Variants in TNKS1BP1 observed in about 807,000 individuals in gnomAD.
TNKS1BP1 encodes the protein 182 kDa tankyrase-1-binding protein.
Under a neutral mutation model 141.1 loss-of-function variants are expected in TNKS1BP1, and 48 were observed. The ratio of observed to expected loss-of-function variants is 0.34; its 90% CI spans 0.27 to 0.43. The LOEUF (loss-of-function observed/expected upper bound fraction) is 0.43, where lower values mean the gene tolerates loss of function less well. Among genes scored for constraint, TNKS1BP1 ranks in the 20% least tolerant of loss-of-function variants. The pLI is 1.00. For missense variants in TNKS1BP1, 2,149 were observed against 2,226.0 expected (o/e 0.97, Z 0.70); for synonymous variants, 875 against 898.2 (o/e 0.97, Z 0.46).
At position 57,313,321 on chromosome 11, in the gene TNKS1BP1, C is replaced by A. The variant is rs1344848623; in HGVS notation, c.1367G>T (p.Ser456Ile). Residue 456 changes from serine (S) to isoleucine (I), a missense_variant, in exon 5 of 12, where the codon AGC becomes ATC. By Grantham distance (142) the Ser-to-Ile change is moderately radical. Coordinates refer to ENST00000358252, the MANE Select transcript of TNKS1BP1 (RefSeq NM_033396.3). ...SLAALPQGQG[S>I]QLALDRPFGA... Reference sequence around the variant, plus strand: ...AAAGGGACGATCCAGGGCCAACTGGCTCCCCTGGCCTTGGGGCAGGGCAGC... The same window carrying A: ...AAAGGGACGATCCAGGGCCAACTGGATCCCCTGGCCTTGGGGCAGGGCAGC... 6.2e-7 allele frequency: 1 copy of A among 1,612,842 alleles called. No individual in the cohort carries two copies. Among genetic ancestry groups the A allele is most frequent in the Admixed American group, 1.7e-5 (1 of 60,004 alleles).
Position 57,313,632 on chromosome 11 carries a change from G to A in TNKS1BP1, c.1056C>T (p.Pro352=). 1 of 1,589,278 alleles carries A rather than the reference G, an allele frequency of 6.3e-7. No individual in the cohort carries two copies. Among genetic ancestry groups the A allele is most frequent in the Non-Finnish European group, 8.6e-7 (1 of 1,167,784 alleles). Residue 352 remains proline (P), a synonymous_variant, in exon 5 of 12, where the codon CCC becomes CCT. Coordinates refer to ENST00000358252, the MANE Select transcript of TNKS1BP1 (RefSeq NM_033396.3). ...CCCCCTCGGCAGGGAGCCCCGGGCT[G>A]GGGGTGTGGCGGGAGCCCTCGTCAG... ...ALPDEGSRHT[P]SPGLPAEGAP... is the part of the protein sequence containing the mutation.
chr11:57,301,733 G>T, intron 9 of TNKS1BP1, 74 bp downstream of exon 9: 1 of 1,551,054 alleles, frequency 6.4e-7, no homozygotes. Flanking sequence ...GATGGATGAA[G>T]AGAAGAAAGA....
rs761973274 is a variant in TNKS1BP1 at position 57,312,922 on chromosome 11, C to A, written c.1766G>T (p.Arg589Ile). 6.2e-7 allele frequency: 1 copy of A among 1,612,410 alleles called. No homozygotes were observed. Among genetic ancestry groups the A allele is most frequent in the African/African-American group, 1.3e-5 (1 of 74,924 alleles). Reference protein sequence around the residue: ...PGLPLQQAEERYESQEPLAGQ... With the variant: ...PGLPLQQAEEIYESQEPLAGQ... Reference sequence around the variant, plus strand: ...AGCCAAGGGCTCCTGCGACTCGTATCTCTCCTCTGCCTGCTGCAAAGGTAA... The same window carrying A: ...AGCCAAGGGCTCCTGCGACTCGTATATCTCCTCTGCCTGCTGCAAAGGTAA... Residue 589 changes from arginine to isoleucine, a missense_variant, in exon 5 of 12, where the codon AGA becomes ATA. By Grantham distance (97) the Arg-to-Ile change is moderately conservative. Transcript: ENST00000358252.
intron 5 of TNKS1BP1, chr11:57,311,193 A>T: frequency 1.0e-6 from 1 of 976,238 alleles, no homozygotes; most frequent in Non-Finnish European, 1.2e-6. Flanking sequence ...AATCCCAGCC[A>T]GGGCTTCTTG....
chr11:57,312,209 T>C (rs1855723525), intron 5 of TNKS1BP1, among the ~76,000 whole-genome samples: 1 of 152,168 alleles, frequency 6.6e-6, no homozygotes, highest in Non-Finnish European at 1.5e-5. Flanking sequence ...TGCCGAGAGC[T>C]TTCCACCTCG....
rs1590587977 is a variant in TNKS1BP1, at chr11:57,312,674, A to G, written c.2014T>C (p.Ser672Pro). Residue 672 changes from serine (S) to proline (P), a missense_variant, in exon 5 of 12, where the codon TCC becomes CCC. Transcript: ENST00000358252. ...CTTTCAGGGCCTGGAGGCTCGGGGG[A>G]TGCCCTACACAAGTCTTGAGCCTCT... ...RTEAQDLCRA[S>P]PEPPGPESSS... The G allele has an allele frequency of 1.3e-6, 2 of 1,581,554 alleles. No individual in the cohort carries two copies. Among genetic ancestry groups the G allele is most frequent in the Non-Finnish European group, 1.7e-6 (2 of 1,164,408 alleles).
chr11:57,313,775 G>A lies in TNKS1BP1; in HGVS notation c.913C>T (p.His305Tyr), dbSNP rs1855756125. The A allele has an allele frequency of 1.9e-6, 3 of 1,597,744 alleles. No homozygotes were observed. The highest frequency in any genetic ancestry group is 1.3e-5 in the African/African-American group (1 of 74,672). ...SGSGPGSPHLHPPDKSSPCHS... is the reference protein window; with the variant it reads ...SGSGPGSPHLYPPDKSSPCHS... ...CAGGGAGAACTCTTATCAGGCGGGT[G>A]AAGATGGGGAGAGCCAGGGCCTGAG... Residue 305 changes from histidine to tyrosine, a missense_variant, in exon 5 of 12, where the codon CAC (histidine) becomes TAC (tyrosine). Coordinates refer to ENST00000358252, the MANE Select transcript of TNKS1BP1 (RefSeq NM_033396.3).
chr11:57,300,452 A>G lies in TNKS1BP1; in HGVS notation c.*12+76T>C, dbSNP rs954276833. The G allele has an allele frequency of 2.9e-6, 4 of 1,359,742 alleles. No individual in the cohort carries two copies. The East Asian group carries it at 9.2e-5, about 31-fold the overall frequency. The allele number at this position is 1,359,742 out of a possible 1,614,324, so 84.2% of individuals were successfully genotyped here. Reference sequence around the variant, plus strand: ...GAAAGGGGTGGGAGCTAAGGGACAGAAGGGGCATGAGGCCTCCGAAGCCTC... The same window carrying G: ...GAAAGGGGTGGGAGCTAAGGGACAGGAGGGGCATGAGGCCTCCGAAGCCTC... On this transcript the variant is annotated intron_variant, in intron 11 of 11. Coordinates refer to ENST00000358252, the MANE Select transcript of TNKS1BP1 (RefSeq NM_033396.3).
At chr11:57,319,983 C>T in intron 3 of TNKS1BP1, 96 bp downstream of exon 3, 1 of 1,524,840 alleles carries the variant, frequency 6.6e-7, no homozygotes, top group Non-Finnish European at 8.9e-7. Context: ...AGTCACAACC[C>T]TATATGGGGC....
chr11:57,320,839 T>G lies in TNKS1BP1; in HGVS notation c.95-127A>C, dbSNP rs938402632. The G allele has an allele frequency of 8.1e-6, 9 of 1,113,136 alleles. No individual in the cohort carries two copies. The Middle Eastern group carries it at 9.2e-4, about 114-fold the overall frequency. The allele number at this position is 1,113,136 out of a possible 1,614,324, so 69.0% of individuals were successfully genotyped here. A position where few individuals can be genotyped will look rare whatever the true frequency, so the allele number is the denominator to read the frequency against. On this transcript the variant is annotated intron_variant, in intron 2 of 11. Transcript: ENST00000358252. ...ATATTCACATCTTTCTAGGCACAAG[T>G]CATATGCCACCTCTTCCATGAAGCC...
In TNKS1BP1 at chr11:57,310,356, C is replaced by A. The variant is rs138163707; in HGVS notation, c.2355G>T (p.Gly785=). ...ACCTGCTGGCCCACTCCCTGGTGCT[C>A]CCTTCCCCTGCTCCTTGCCCATACT... The part of the protein sequence containing the change: ...TSKYGQGAGE[G]STREWASRCG... The change falls in exon 6 of 12, where the codon GGG becomes GGT. Residue 785 remains glycine, a synonymous_variant. Coordinates refer to ENST00000358252, the MANE Select transcript of TNKS1BP1 (RefSeq NM_033396.3). 5.6e-6 allele frequency: 9 copies of A among 1,613,974 alleles called. No individual in the cohort carries two copies. The African/African-American group carries it at 1.2e-4, about 22-fold the overall frequency.
intron 1 of TNKS1BP1, among the ~76,000 whole-genome samples, chr11:57,323,517 A>G (rs1855917042): frequency 6.6e-6 from 1 of 152,078 alleles, no homozygotes; most frequent in African/African-American, 2.4e-5. Flanking sequence ...GACAGCACCA[A>G]ATCCTTAAAA....
intron 6 of TNKS1BP1, among the ~76,000 whole-genome samples, chr11:57,305,125 G>A (rs149054581): frequency 6.6e-6 from 1 of 152,272 alleles, no homozygotes; most frequent in African/African-American, 2.4e-5. Context: ...CATGGGAGCA[G>A]GAAAGAGGGG....
At chr11:57,308,256 T>A (rs1855642765) in intron 6 of TNKS1BP1, 139 bp downstream of exon 6, 2 of 1,241,206 alleles carry the variant, frequency 1.6e-6, no homozygotes, top group Admixed American at 4.9e-5. Flanking sequence ...CTAAAAATTC[T>A]TAGTCCAAAA....
intron 3 of TNKS1BP1, 73 bp from the exon 4 acceptor site, chr11:57,317,960 G>C (rs1855823371): frequency 4.9e-6 from 7 of 1,418,464 alleles, no homozygotes; most frequent in Non-Finnish European, 7.0e-6. Context: ...ATGTGGGAGA[G>C]TCTCCCAGTG....
At chr11:57,304,177 T>C (rs1855572597) in intron 6 of TNKS1BP1, among the ~76,000 whole-genome samples, 1 of 151,980 alleles carries the variant, frequency 6.6e-6, no homozygotes, top group Non-Finnish European at 1.5e-5. Flanking sequence ...TGGGAAAGCC[T>C]GGCACGGCAG....
rs749541852 is a variant in TNKS1BP1, at chr11:57,320,064, C to A, written c.728+15G>T. 5 of 1,306,006 alleles carry A rather than the reference C, an allele frequency of 3.8e-6. No individual in the cohort carries two copies. Among genetic ancestry groups the A allele is most frequent in the Non-Finnish European group, 1.0e-6 (1 of 972,684 alleles). 80.9% of individuals were successfully genotyped at this position (1,306,006 alleles called of 1,614,324 possible). A position where few individuals can be genotyped will look rare whatever the true frequency, so the allele number is the denominator to read the frequency against. The stretch of plus-strand genomic sequence containing the variant: ...CTCCAGGCTGCCACAAAATATACAA[C>A]CTCCCACCCTTCACCTCTCCTCAGG... On this transcript the variant is annotated intron_variant, in intron 3 of 11. Coordinates refer to ENST00000358252, the MANE Select transcript of TNKS1BP1 (RefSeq NM_033396.3).
At chr11:57,300,751 C>G (rs951530678) in intron 10 of TNKS1BP1, 133 bp downstream of exon 10, 84 of 1,491,320 alleles carry the variant, frequency 5.6e-5, no homozygotes, top group Non-Finnish European at 6.5e-5. Context: ...CATCTTCATA[C>G]CGTTCATCTG....
At chr11:57,319,626 G>A (rs746462482) in intron 3 of TNKS1BP1, among the ~76,000 whole-genome samples, 1 of 152,040 alleles carries the variant, frequency 6.6e-6, no homozygotes, top group Non-Finnish European at 1.5e-5. Context: ...AATTAGCTGG[G>A]CGTGGTGGCC....
Sources: allele counts gnomAD v4.1 joint callset (sites outside exome capture counted in the v4.1 genomes callset), GRCh38; gene constraint gnomAD v4.1.1; transcripts MANE v1.5; gene names NCBI Gene and HGNC (gene_info 2026-07-23, HGNC 2026-07-21).